MED13L: variants seen among roughly 807,000 people sequenced by gnomAD.
MED13L encodes the protein mediator of RNA polymerase II transcription subunit 13-like.
Under a neutral mutation model 220.9 loss-of-function variants are expected in MED13L, and 7 were observed. The observed-to-expected ratio is 0.03, with a 90% CI of 0.02 to 0.06. MED13L has a LOEUF of 0.06. Ranked by LOEUF, MED13L falls within the 10% of genes least tolerant of loss-of-function variation. MED13L has a pLI of 1.00. For missense variants in MED13L, 1,965 were observed against 2,760.5 expected (o/e 0.71, Z 6.46); for synonymous variants, 1,011 against 1,015.2 (o/e 1.00, Z 0.08).
chr12:116,038,970 G>A (rs1171567970), intron 4 of MED13L, among the ~76,000 whole-genome samples: 1 of 151,632 alleles, frequency 6.6e-6, no homozygotes. Context: ...AATGAGATGA[G>A]GCAGGAAAAA....
chr12:116,095,055 G>T (rs1164998710), intron 4 of MED13L, among the ~76,000 whole-genome samples: 1 of 152,076 alleles, frequency 6.6e-6, no homozygotes, highest in Admixed American at 6.6e-5. Flanking sequence ...CCAGCTACTT[G>T]GGAGGCTGAA....
intron 4 of MED13L, among the ~76,000 whole-genome samples, chr12:116,046,214 T>C (rs1881824797): frequency 6.6e-6 from 1 of 152,128 alleles, no homozygotes; most frequent in African/African-American, 2.4e-5. Context: ...AAGTGCTGAG[T>C]TTTTTATTTT....
chr12:115,964,093 A>T (rs2137194102), intron 29 of MED13L, among the ~76,000 whole-genome samples: 1 of 152,274 alleles, frequency 6.6e-6, no homozygotes, highest in Middle Eastern at 3.4e-3. Context: ...TCTCCAAAAA[A>T]AAGAAACAAA....
At chr12:116,082,269 G>A (rs542111230) in intron 4 of MED13L, among the ~76,000 whole-genome samples, 2 of 152,218 alleles carry the variant, frequency 1.3e-5, no homozygotes, top group Admixed American at 6.5e-5. Flanking sequence ...TGCCTAAGAA[G>A]GGGAAAAACT....
intron 2 of MED13L, among the ~76,000 whole-genome samples, chr12:116,204,126 T>C (rs1351846924): frequency 6.6e-6 from 1 of 152,224 alleles, no homozygotes; most frequent in Non-Finnish European, 1.5e-5. Flanking sequence ...TCAAAGTTTC[T>C]GCACATGAAC....
At chr12:116,145,462 G>A (rs1385448404) in intron 2 of MED13L, among the ~76,000 whole-genome samples, 3 of 151,978 alleles carry the variant, frequency 2.0e-5, no homozygotes, top group East Asian at 3.9e-4. Context: ...TAAAATAAAT[G>A]GCATACAGTT....
At chr12:116,108,439 T>G (rs1177501377) in intron 3 of MED13L, among the ~76,000 whole-genome samples, 9 of 150,678 alleles carry the variant, frequency 6.0e-5, no homozygotes, top group Admixed American at 4.6e-4. Flanking sequence ...GTAATTTTCA[T>G]GATATCCATC....
At chr12:116,062,447 A>G (rs1392488340) in intron 4 of MED13L, among the ~76,000 whole-genome samples, 1 of 148,854 alleles carries the variant, frequency 6.7e-6, no homozygotes, top group Non-Finnish European at 1.5e-5. Context: ...TATTACCTTC[A>G]TAGGAAATGA....
intron 4 of MED13L, among the ~76,000 whole-genome samples, chr12:116,079,537 TTTA>T (rs947268427): frequency 6.6e-6 from 1 of 151,888 alleles, no homozygotes; most frequent in Non-Finnish European, 1.5e-5. Flanking sequence ...TTTTATTCAT[TTTA>T]TTATTATTAT....
At chr12:116,144,243 C>T (rs542337067) in intron 2 of MED13L, among the ~76,000 whole-genome samples, 1 of 152,326 alleles carries the variant, frequency 6.6e-6, no homozygotes, top group African/African-American at 2.4e-5. Flanking sequence ...TGAAACTCAG[C>T]CATCACCGAT....
chr12:116,008,194 C>A, intron 10 of MED13L: 2 of 634,158 alleles, frequency 3.2e-6, no homozygotes, highest in East Asian at 2.8e-5. Flanking sequence ...ATAAAGAGTT[C>A]TTTATATGCC....
intron 1 of MED13L, among the ~76,000 whole-genome samples, chr12:116,250,025 T>TAAAAAAAAAAAA (rs71095516): frequency 7.9e-4 from 32 of 40,438 alleles, no homozygotes; most frequent in African/African-American, 1.2e-3. Flanking sequence ...CAGCATAAAC[T>TAAAAAAAAAAAA]AAAAAAAAAA....
chr12:115,960,955 T>C lies in MED13L; in HGVS notation c.*311A>G, dbSNP rs1357845003. On this transcript the variant is annotated 3_prime_UTR_variant, in exon 31 of 31. Coordinates refer to ENST00000281928, the MANE Select transcript of MED13L (RefSeq NM_015335.5). The stretch of plus-strand genomic sequence containing the variant: ...TTGTGCAAAAGGACACTGTCTCTTC[T>C]GTTTCCCGCTGAAAAGCCATCAACC... The C allele has an allele frequency of 4.9e-6, 2 of 407,688 alleles. No homozygotes were observed. Among genetic ancestry groups the C allele is most frequent in the Non-Finnish European group, 9.3e-6 (2 of 214,684 alleles). 25.3% of individuals were successfully genotyped at this position (407,688 alleles called of 1,614,324 possible).
chr12:116,016,374 T>C (rs1374307622), intron 7 of MED13L, among the ~76,000 whole-genome samples: 1 of 152,150 alleles, frequency 6.6e-6, no homozygotes, highest in Non-Finnish European at 1.5e-5. Context: ...TATTACTATA[T>C]TACAAATGAG....
intron 4 of MED13L, among the ~76,000 whole-genome samples, chr12:116,063,579 G>A (rs541080141): frequency 5.9e-5 from 9 of 152,180 alleles, no homozygotes; most frequent in Non-Finnish European, 1.0e-4. Flanking sequence ...TGTTTCCTTC[G>A]AGTATTAATA....
intron 3 of MED13L, among the ~76,000 whole-genome samples, chr12:116,102,392 C>T (rs2137844714): frequency 6.6e-6 from 1 of 152,306 alleles, no homozygotes. Flanking sequence ...CTGTGCCCTT[C>T]AAATTATTTA....
intron 10 of MED13L, 109 bp downstream of exon 10, chr12:116,008,292 C>T: frequency 7.0e-7 from 1 of 1,435,080 alleles, no homozygotes; most frequent in East Asian, 2.3e-5. Context: ...TCAAGAAGGA[C>T]AAAGAAAAGC....
At position 116,111,414 on chromosome 12, in the gene MED13L, G is replaced by A. The variant is rs2137899263; in HGVS notation, c.395+14C>T. The A allele has an allele frequency of 6.2e-7, 1 of 1,607,742 alleles. No individual in the cohort carries two copies. On this transcript the variant is annotated intron_variant, in intron 3 of 30. Coordinates refer to ENST00000281928, the MANE Select transcript of MED13L (RefSeq NM_015335.5). ...GGTTGTCTGCAAACCACTGTCTGCT[G>A]TTCCTTCTCTTACCTTTCTAACAGA...
rs139237698 is a variant in MED13L, at chr12:116,196,641, A to T, written c.310+40827T>A. 6.7e-3 allele frequency among the ~76,000 whole-genome samples: 1,015 copies of T among 152,356 alleles called. 8 individuals are homozygous for T. The highest frequency in any genetic ancestry group is 0.011 in the African/African-American group (466 of 41,590). On this transcript the variant is annotated intron_variant, in intron 2 of 30. Transcript: ENST00000281928. ...CTACTGCCATCAACACAATTTATTC[A>T]ATCAGAAGTATCTTTTAACCTTTCT...
Sources: gnomAD v4.1 joint callset for allele counts (sites outside exome capture counted in the v4.1 genomes callset) on GRCh38, gnomAD v4.1.1 for gene constraint, MANE v1.5 for transcripts, NCBI Gene and HGNC (gene_info 2026-07-23, HGNC 2026-07-21) for gene names.